GALNT7: variants seen among roughly 807,000 people sequenced by gnomAD.
GALNT7 encodes N-acetylgalactosaminyltransferase 7.
GALNT7 carries 60 observed loss-of-function variants against 82.1 expected under a neutral mutation model. The ratio of observed to expected loss-of-function variants is 0.73; its 90% CI spans 0.59 to 0.91. The LOEUF is 0.91. GALNT7 is among the 40% of genes least tolerant of loss of function. The pLI, the probability that GALNT7 is intolerant of heterozygous loss-of-function variation, is 0.00. For missense variants in GALNT7, 660 were observed against 804.2 expected (o/e 0.82, Z 2.17); for synonymous variants, 243 against 275.1 (o/e 0.88, Z 1.15).
intron 1 of GALNT7, among the ~76,000 whole-genome samples, chr4:173,227,454 C>T (rs1294870102): frequency 6.6e-6 from 1 of 152,194 alleles, no homozygotes; most frequent in Non-Finnish European, 1.5e-5. Context: ...GCCTCAGCCT[C>T]CCCAGTAGCT....
At chr4:173,275,830 C>T (rs954414380) in intron 2 of GALNT7, among the ~76,000 whole-genome samples, 1 of 152,194 alleles carries the variant, frequency 6.6e-6, no homozygotes, top group Non-Finnish European at 1.5e-5. Context: ...ACCCTACACA[C>T]ATGGCAAACA....
chr4:173,274,666 G>C (rs945321789), intron 2 of GALNT7, among the ~76,000 whole-genome samples: 17 of 152,126 alleles, frequency 1.1e-4, no homozygotes, highest in African/African-American at 2.4e-5. Flanking sequence ...GAGATAACAT[G>C]TATTAAAGTG....
chr4:173,196,829 T>C (rs1732793556), intron 1 of GALNT7, among the ~76,000 whole-genome samples: 1 of 152,186 alleles, frequency 6.6e-6, no homozygotes, highest in South Asian at 2.1e-4. Flanking sequence ...GTTGTTGTCA[T>C]GAAAACAGGT....
chr4:173,206,654 T>C (rs188383816), intron 1 of GALNT7, among the ~76,000 whole-genome samples: 18 of 152,380 alleles, frequency 1.2e-4, no homozygotes, highest in African/African-American at 4.3e-4. Context: ...TGCGAGATTT[T>C]TCTTTCTCTC....
At chr4:173,259,630 G>GGTTTT (rs1380564668) in intron 2 of GALNT7, among the ~76,000 whole-genome samples, 1 of 151,756 alleles carries the variant, frequency 6.6e-6, no homozygotes, top group African/African-American at 2.4e-5. Context: ...TCCATTACTT[G>GGTTTT]GTTTTGTTTT....
chr4:173,175,638 A>G (rs991168001), intron 1 of GALNT7, among the ~76,000 whole-genome samples: 1 of 152,224 alleles, frequency 6.6e-6, no homozygotes, highest in African/African-American at 2.4e-5. Flanking sequence ...TGACTTTTCA[A>G]TGGGTTTATC....
At chr4:173,187,242 GTA>G (rs1732489305) in intron 1 of GALNT7, among the ~76,000 whole-genome samples, 1 of 152,078 alleles carries the variant, frequency 6.6e-6, no homozygotes, top group Non-Finnish European at 1.5e-5. Context: ...ATAGTCCACA[GTA>G]TAAATAAACT....
chr4:173,267,701 G>A (rs1217569347), intron 2 of GALNT7, among the ~76,000 whole-genome samples: 1 of 152,210 alleles, frequency 6.6e-6, no homozygotes, highest in Non-Finnish European at 1.5e-5. Flanking sequence ...CCCATACAGA[G>A]CTGAAAGAGT....
intron 11 of GALNT7, 159 bp downstream of exon 11, chr4:173,318,718 G>A: frequency 1.9e-6 from 1 of 536,298 alleles, no homozygotes; most frequent in Non-Finnish European, 3.3e-6. Context: ...AGCACTGGAT[G>A]ACTCATTGTT....
At position 173,322,899 on chromosome 4, in the gene GALNT7, G is replaced by A. The variant is rs1370751688; in HGVS notation, c.*1182G>A. On this transcript the variant is annotated 3_prime_UTR_variant, in exon 12 of 12. Coordinates refer to ENST00000265000, the MANE Select transcript of GALNT7 (RefSeq NM_017423.3). ...TTAAAAATACAGTTTATTAACAAAC[G>A]TGAACTACTTTCTGTTACATTAGGT... 2 of 152,114 alleles carry A rather than the reference G, an allele frequency of 1.3e-5. No homozygotes were observed. Among genetic ancestry groups the A allele is most frequent in the African/African-American group, 4.8e-5 (2 of 41,424 alleles). The allele number at this position is 152,114 out of a possible 1,614,324, so 9.4% of individuals were successfully genotyped here.
chr4:173,169,640 C>T (rs901995115), intron 1 of GALNT7: 10 of 151,622 alleles, frequency 6.6e-5, no homozygotes, highest in Non-Finnish European at 1.5e-5. Flanking sequence ...TCGCCCGGAC[C>T]GCCGGTCCCC....
At chr4:173,202,316 C>A (rs1732967333) in intron 1 of GALNT7, among the ~76,000 whole-genome samples, 1 of 152,050 alleles carries the variant, frequency 6.6e-6, no homozygotes, top group African/African-American at 2.4e-5. Flanking sequence ...TATTGTGGGT[C>A]CAACTCTTTA....
At chr4:173,232,726 A>G (rs1301107701) in intron 1 of GALNT7, among the ~76,000 whole-genome samples, 2 of 152,116 alleles carry the variant, frequency 1.3e-5, no homozygotes, top group Non-Finnish European at 2.9e-5. Flanking sequence ...GTGAGCTTGT[A>G]ACATTCCTTT....
intron 1 of GALNT7, among the ~76,000 whole-genome samples, chr4:173,240,639 G>A (rs1037486457): frequency 1.3e-5 from 2 of 152,128 alleles, no homozygotes; most frequent in East Asian, 3.9e-4. Flanking sequence ...AAAGTGCTGA[G>A]ATTATAGGCA....
intron 1 of GALNT7, among the ~76,000 whole-genome samples, chr4:173,234,043 A>G (rs1734127951): frequency 6.6e-6 from 1 of 152,202 alleles, no homozygotes; most frequent in Admixed American, 6.5e-5. Context: ...CACTGAAGTT[A>G]TCAGTCAGCT....
chr4:173,253,338 T>G (rs72999520), intron 2 of GALNT7, among the ~76,000 whole-genome samples: 11,097 of 152,138 alleles, frequency 0.073, 815 homozygotes, highest in African/African-American at 0.19. Flanking sequence ...TTTACTTGGA[T>G]CTGGAGGTAT....
At chr4:173,192,597 G>A (rs1417704243) in intron 1 of GALNT7, among the ~76,000 whole-genome samples, 1 of 152,148 alleles carries the variant, frequency 6.6e-6, no homozygotes, top group African/African-American at 2.4e-5. Context: ...GTACACTCGA[G>A]TTCTTGAATT....
At chr4:173,275,487 T>G (rs1579980399) in intron 2 of GALNT7, among the ~76,000 whole-genome samples, 1 of 152,136 alleles carries the variant, frequency 6.6e-6, no homozygotes, top group South Asian at 2.1e-4. Context: ...AACACAAATA[T>G]AAGCTTTTCA....
At chr4:173,178,871 A>T (rs1049696499) in intron 1 of GALNT7, among the ~76,000 whole-genome samples, 2 of 152,234 alleles carry the variant, frequency 1.3e-5, no homozygotes, top group African/African-American at 4.8e-5. Flanking sequence ...GATGAGTTAA[A>T]ATTAAGTCAC....
Sources: gnomAD v4.1 joint callset for allele counts (sites outside exome capture counted in the v4.1 genomes callset) on GRCh38, gnomAD v4.1.1 for gene constraint, MANE v1.5 for transcripts, NCBI Gene and HGNC (gene_info 2026-07-23, HGNC 2026-07-21) for gene names.